TMEM117: variants seen among roughly 807,000 people sequenced by gnomAD.
TMEM117 encodes transmembrane protein 117.
A neutral mutation model predicts 52.4 loss-of-function variants in TMEM117; 27 were observed. The ratio of observed to expected loss-of-function variants is 0.51; its 90% CI spans 0.38 to 0.71. The LOEUF (loss-of-function observed/expected upper bound fraction) is 0.71, where lower values mean the gene tolerates loss of function less well. TMEM117 is among the 30% of genes least tolerant of loss of function. The pLI, the probability that TMEM117 is intolerant of heterozygous loss-of-function variation, is 0.00. For missense variants in TMEM117, 556 were observed against 630.5 expected (o/e 0.88, Z 1.26); for synonymous variants, 215 against 206.3 (o/e 1.04, Z -0.36).
intron 4 of TMEM117, among the ~76,000 whole-genome samples, chr12:44,173,035 T>C (rs1384255176): frequency 1.3e-5 from 2 of 152,168 alleles, no homozygotes; most frequent in African/African-American, 4.8e-5. Context: ...GCAAAATCTT[T>C]CTTTTTTTCA....
chr12:43,932,917 C>A (rs1944894249), intron 2 of TMEM117, among the ~76,000 whole-genome samples: 1 of 152,230 alleles, frequency 6.6e-6, no homozygotes, highest in South Asian at 2.1e-4. Flanking sequence ...TCAGAGAGAT[C>A]TGAATGCATA....
At chr12:44,102,929 T>G (rs1246616803) in intron 3 of TMEM117, among the ~76,000 whole-genome samples, 1 of 152,038 alleles carries the variant, frequency 6.6e-6, no homozygotes, top group East Asian at 1.9e-4. Context: ...CCTCCTTTGC[T>G]CTGCACTTTT....
intron 2 of TMEM117, among the ~76,000 whole-genome samples, chr12:43,935,850 A>G (rs1309683470): frequency 6.6e-6 from 1 of 152,188 alleles, no homozygotes; most frequent in Admixed American, 6.5e-5. Context: ...TCTAGGCTTT[A>G]TAGGAAGTAG....
In TMEM117 at chr12:44,251,538, C is replaced by T. The variant is rs1397603740; in HGVS notation, c.608+40151C>T. ...AACATGAGGCCAAGTGTAGTATGAC[C>T]ACTGCCCTACGTCACTAAGGACACA... On this transcript the variant is annotated intron_variant, in intron 5 of 7. Transcript: ENST00000266534. Among the ~76,000 whole-genome samples, 19 of 152,110 alleles carry T rather than the reference C, an allele frequency of 1.2e-4. 1 individual carries two copies. Among genetic ancestry groups the T allele is most frequent in the Non-Finnish European group, 2.9e-5 (2 of 68,018 alleles).
intron 2 of TMEM117, among the ~76,000 whole-genome samples, chr12:43,884,653 T>C (rs920759855): frequency 6.6e-6 from 1 of 152,218 alleles, no homozygotes; most frequent in Non-Finnish European, 1.5e-5. Flanking sequence ...TCTTACTGTT[T>C]TGTTTGCCTG....
At position 44,126,828 on chromosome 12, in the gene TMEM117, CAGCTGTTAACATGCA is replaced by C. The variant is rs552558770; in HGVS notation, c.411-16693_411-16679del. On this transcript the variant is annotated intron_variant, in intron 3 of 7. Coordinates refer to ENST00000266534, the MANE Select transcript of TMEM117 (RefSeq NM_032256.3). ...ATGCATGTAATTTACCTGTTATCTG[CAGCTGTTAACATGCA>C]AGCAGAAAGTTGATGCTTGACAGCA... Among the ~76,000 whole-genome samples the C allele has an allele frequency of 1.5e-4, 23 of 152,304 alleles. 1 individual carries two copies. In the East Asian group the frequency reaches 4.2e-3, roughly 28 times the overall value.
intron 5 of TMEM117, among the ~76,000 whole-genome samples, chr12:44,217,798 A>T (rs1949737318): frequency 6.6e-6 from 1 of 152,222 alleles, no homozygotes; most frequent in Admixed American, 6.5e-5. Context: ...GTCAGAGAAA[A>T]ATACATGCTT....
At chr12:43,970,511 A>G (rs538594727) in intron 3 of TMEM117, among the ~76,000 whole-genome samples, 5 of 152,128 alleles carry the variant, frequency 3.3e-5, no homozygotes, top group Admixed American at 2.0e-4. Context: ...GATGGTCTCA[A>G]TCTCCTGACC....
At chr12:44,120,484 G>C (rs1247409986) in intron 3 of TMEM117, among the ~76,000 whole-genome samples, 2 of 152,140 alleles carry the variant, frequency 1.3e-5, no homozygotes, top group Non-Finnish European at 2.9e-5. Flanking sequence ...CTTCTAGCAT[G>C]CCCTTGCTCA....
At chr12:44,183,026 G>C in intron 4 of TMEM117, among the ~76,000 whole-genome samples, 1 of 151,882 alleles carries the variant, frequency 6.6e-6, no homozygotes, top group East Asian at 1.9e-4. Context: ...AGCAGCAATT[G>C]TTTTGTTTTT....
the TMEM117 span, chr12:43,806,375 C>T: frequency 8.2e-7 from 1 of 1,223,934 alleles, no homozygotes; most frequent in African/African-American, 1.6e-5. Flanking sequence ...CCGCCCCGCC[C>T]CGTGAGGTTG....
intron 3 of TMEM117, among the ~76,000 whole-genome samples, chr12:44,067,670 G>A (rs1457407658): frequency 6.6e-6 from 1 of 152,152 alleles, no homozygotes; most frequent in African/African-American, 2.4e-5. Context: ...AAACAAATGT[G>A]CTGTCATCCA....
In TMEM117 at chr12:44,358,885, C is replaced by T. The variant is rs908694642; in HGVS notation, c.769-17710C>T. On this transcript the variant is annotated intron_variant, in intron 6 of 7. Transcript: ENST00000266534. ...ACTAGGAGTTAGTCCAACCCATCTA[C>T]TTGTGCTAAATTGTAGCTGTAATAT... Among the ~76,000 whole-genome samples, 7 of 152,176 alleles carry T rather than the reference C, an allele frequency of 4.6e-5. No homozygotes were observed. In the South Asian group the frequency reaches 1.5e-3, roughly 32 times the overall value.
intron 6 of TMEM117, among the ~76,000 whole-genome samples, chr12:44,374,414 G>A (rs1452086519): frequency 6.6e-6 from 1 of 151,946 alleles, no homozygotes; most frequent in East Asian, 1.9e-4. Context: ...ATTCTTACAT[G>A]GCACCACCTG....
chr12:43,891,339 A>G (rs1944099490), intron 2 of TMEM117, among the ~76,000 whole-genome samples: 1 of 140,260 alleles, frequency 7.1e-6, no homozygotes, highest in Non-Finnish European at 1.6e-5. Flanking sequence ...GGCATCTTCT[A>G]ACATTTCTTT....
chr12:44,158,485 A>G (rs1180675264), intron 4 of TMEM117, among the ~76,000 whole-genome samples: 1 of 152,064 alleles, frequency 6.6e-6, no homozygotes, highest in East Asian at 1.9e-4. Context: ...GATTAAGCAA[A>G]CTCCATGGCT....
At chr12:43,931,805 T>C (rs1034885489) in intron 2 of TMEM117, among the ~76,000 whole-genome samples, 1 of 152,204 alleles carries the variant, frequency 6.6e-6, no homozygotes, top group Admixed American at 6.5e-5. Flanking sequence ...ATTTGCCAAA[T>C]TTGGAATCCA....
intron 3 of TMEM117, among the ~76,000 whole-genome samples, chr12:44,120,161 G>T (rs1329005682): frequency 6.6e-6 from 1 of 151,912 alleles, no homozygotes; most frequent in Non-Finnish European, 1.5e-5. Context: ...AAGAGGAAAT[G>T]ACAGAAGAAA....
chr12:44,091,330 G>T (rs1360561090), intron 3 of TMEM117, among the ~76,000 whole-genome samples: 2 of 152,152 alleles, frequency 1.3e-5, no homozygotes, highest in Non-Finnish European at 2.9e-5. Context: ...ATTTGGGTGA[G>T]GATACAGCCA....
Sources: gnomAD v4.1 joint callset for allele counts (sites outside exome capture counted in the v4.1 genomes callset) on GRCh38, gnomAD v4.1.1 for gene constraint, MANE v1.5 for transcripts, NCBI Gene and HGNC (gene_info 2026-07-23, HGNC 2026-07-21) for gene names.